Variants in TSGA10 observed in about 807,000 individuals in gnomAD.
TSGA10 encodes testis specific 10.
A neutral mutation model predicts 96.6 loss-of-function variants in TSGA10; 43 were observed. That is an observed-to-expected ratio of 0.44 (90% CI 0.35 to 0.57). The LOEUF is 0.57. TSGA10 is among the 20% of genes least tolerant of loss of function. The pLI is 0.01. For synonymous variants in TSGA10, 229 were observed against 269.9 expected, an observed-to-expected ratio of 0.85 and a Z score of 1.48; for missense variants, 703 against 834.4, an observed-to-expected ratio of 0.84 and a Z score of 1.94.
At chr2:99,087,187 G>A (rs922031274) in intron 10 of TSGA10, among the ~76,000 whole-genome samples, 2 of 149,454 alleles carry the variant, frequency 1.3e-5, no homozygotes, top group Non-Finnish European at 3.0e-5. Context: ...CTGGGCGACA[G>A]TGCAACACTC....
rs778331272 is a variant in TSGA10, at chr2:99,108,992, CTATAATTA to C, written c.52-9_52-2del. ...AAAGTTCTACATCACAGTTTGCACC[CTATAATTA>C]TATAAGGAATTTGAAATCTTCTTTG... On this transcript the variant is annotated splice_acceptor_variant and splice_polypyrimidine_tract_variant and intron_variant, in intron 6 of 20. Transcript: ENST00000393483. LOFTEE classifies it high-confidence loss of function. 5.2e-6 allele frequency: 8 copies of C among 1,532,560 alleles called. No homozygotes were observed. The Admixed American group carries it at 1.9e-4, about 36-fold the overall frequency. The allele number at this position is 1,532,560 out of a possible 1,614,324, so 94.9% of individuals were successfully genotyped here. A position where few individuals can be genotyped will look rare whatever the true frequency, so the allele number is the denominator to read the frequency against.
intron 1 of TSGA10, among the ~76,000 whole-genome samples, chr2:99,137,842 G>A (rs1350512032): frequency 1.3e-5 from 2 of 150,356 alleles, no homozygotes; most frequent in South Asian, 2.1e-4. Context: ...AGCCGAGATC[G>A]TGTCACTGCA....
intron 16 of TSGA10, among the ~76,000 whole-genome samples, chr2:99,054,196 G>A (rs2083724327): frequency 6.6e-6 from 1 of 152,152 alleles, no homozygotes; most frequent in South Asian, 2.1e-4. Context: ...CAATGGAACA[G>A]AATAGACAGC....
At chr2:99,073,770 A>C (rs943699186) in intron 12 of TSGA10, among the ~76,000 whole-genome samples, 1 of 152,066 alleles carries the variant, frequency 6.6e-6, no homozygotes, top group Admixed American at 6.6e-5. Context: ...TAATGCCTTT[A>C]ATACCATTCC....
At chr2:99,007,579 CA>C (rs1441757596) in intron 20 of TSGA10, among the ~76,000 whole-genome samples, 1 of 152,012 alleles carries the variant, frequency 6.6e-6, no homozygotes, top group East Asian at 1.9e-4. Context: ...ATCAATGCAA[CA>C]AATAAAACAG....
At chr2:99,003,315 G>C (rs996275858) in intron 20 of TSGA10, among the ~76,000 whole-genome samples, 9 of 152,112 alleles carry the variant, frequency 5.9e-5, no homozygotes, top group African/African-American at 1.4e-4. Context: ...CCTTAGAGAT[G>C]TACAAAGAGA....
At chr2:99,143,287 G>A (rs1469493260) in intron 1 of TSGA10, among the ~76,000 whole-genome samples, 2 of 150,692 alleles carry the variant, frequency 1.3e-5, no homozygotes, top group Admixed American at 6.6e-5. Context: ...GACTACAGGC[G>A]CCCACTACTA....
At chr2:99,145,644 AT>A (rs1317136646) in intron 1 of TSGA10, among the ~76,000 whole-genome samples, 1 of 152,106 alleles carries the variant, frequency 6.6e-6, no homozygotes, top group Non-Finnish European at 1.5e-5. Context: ...GAGTCAGCTG[AT>A]TAGCAACCTT....
At chr2:99,031,211 G>A (rs1444761804) in intron 17 of TSGA10, among the ~76,000 whole-genome samples, 2 of 147,454 alleles carry the variant, frequency 1.4e-5, no homozygotes, top group Non-Finnish European at 3.0e-5. Context: ...TTTTCACAAG[G>A]GTACAAAATC....
intron 17 of TSGA10, among the ~76,000 whole-genome samples, chr2:99,031,340 C>T (rs138164306): frequency 0.013 from 1,775 of 138,806 alleles, 32 homozygotes; most frequent in African/African-American, 0.045. Flanking sequence ...TCACACTTTA[C>T]GCAGAATTAA....
intron 1 of TSGA10, chr2:99,147,488 G>A: frequency 1.2e-6 from 2 of 1,614,002 alleles, no homozygotes; most frequent in Non-Finnish European, 1.7e-6. Context: ...CTCTGGGGAA[G>A]TTAAGGTAAG....
At chr2:99,093,250 C>T (rs760953111) in intron 10 of TSGA10, among the ~76,000 whole-genome samples, 6 of 152,060 alleles carry the variant, frequency 3.9e-5, no homozygotes, top group Admixed American at 1.3e-4. Context: ...AAGGGACATA[C>T]CTTAATGTAA....
intron 10 of TSGA10, among the ~76,000 whole-genome samples, chr2:99,103,153 T>A (rs1260826076): frequency 6.6e-6 from 1 of 151,670 alleles, no homozygotes; most frequent in Non-Finnish European, 1.5e-5. Flanking sequence ...TCAGCATTAA[T>A]AGGAGTGTGA....
At chr2:99,080,774 G>C (rs953670184) in intron 11 of TSGA10, among the ~76,000 whole-genome samples, 1 of 152,020 alleles carries the variant, frequency 6.6e-6, no homozygotes, top group Non-Finnish European at 1.5e-5. Context: ...ATTAAGTTAG[G>C]ACCATATTTT....
chr2:99,104,288 T>C (rs1239946289), intron 9 of TSGA10, among the ~76,000 whole-genome samples, 170 bp from the exon 10 acceptor site: 4 of 152,152 alleles, frequency 2.6e-5, no homozygotes, highest in Admixed American at 6.5e-5. Flanking sequence ...TGTTGTGAAG[T>C]AGGACCAAGG....
chr2:99,132,884 T>A (rs2093159220), intron 1 of TSGA10, among the ~76,000 whole-genome samples: 1 of 152,180 alleles, frequency 6.6e-6, no homozygotes. Context: ...CAGGAGCAGT[T>A]TCTATACAGT....
intron 16 of TSGA10, among the ~76,000 whole-genome samples, chr2:99,040,024 T>C (rs2082038354): frequency 6.6e-6 from 1 of 152,138 alleles, no homozygotes; most frequent in South Asian, 2.1e-4. Flanking sequence ...AAAAATCACA[T>C]GATCATCTCC....
intron 20 of TSGA10, among the ~76,000 whole-genome samples, chr2:99,002,696 G>T (rs60715264): frequency 2.6e-5 from 4 of 152,026 alleles, no homozygotes; most frequent in African/African-American, 4.8e-5. Flanking sequence ...CTGGCAAATT[G>T]GATAAAGAGT....
intron 10 of TSGA10, among the ~76,000 whole-genome samples, chr2:99,088,822 G>C (rs1206184615): frequency 6.6e-6 from 1 of 152,184 alleles, no homozygotes; most frequent in African/African-American, 2.4e-5. Context: ...AAAGCATGTG[G>C]TTTATCTATA....
Sources: gnomAD v4.1 joint callset for allele counts (sites outside exome capture counted in the v4.1 genomes callset) on GRCh38, gnomAD v4.1.1 for gene constraint, MANE v1.5 for transcripts, NCBI Gene and HGNC (gene_info 2026-07-23, HGNC 2026-07-21) for gene names.